The following TAFA5 variants were observed in gnomAD, a reference collection of about 807,000 sequenced individuals.
TAFA5 encodes chemokine-like protein TAFA-5.
A neutral mutation model predicts 15.3 loss-of-function variants in TAFA5; 6 were observed. The ratio of observed to expected loss-of-function variants is 0.39; its 90% CI spans 0.21 to 0.77. The LOEUF (loss-of-function observed/expected upper bound fraction) is 0.77, where lower values mean the gene tolerates loss of function less well. TAFA5 is among the 30% of genes least tolerant of loss of function. The pLI, the probability that TAFA5 is intolerant of heterozygous loss-of-function variation, is 0.41. For missense variants in TAFA5, 161 were observed against 193.1 expected (o/e 0.83, Z 0.98); for synonymous variants, 103 against 80.7 (o/e 1.28, Z -1.48).
chr22:48,623,939 G>A (rs530688453), intron 1 of TAFA5, among the ~76,000 whole-genome samples: 1 of 152,304 alleles, frequency 6.6e-6, no homozygotes, highest in Non-Finnish European at 1.5e-5. Context: ...TACAATTAAA[G>A]AACTGGCATT....
At chr22:48,624,428 G>A (rs1006620067) in intron 1 of TAFA5, among the ~76,000 whole-genome samples, 5 of 152,140 alleles carry the variant, frequency 3.3e-5, no homozygotes, top group African/African-American at 7.2e-5. Flanking sequence ...GGGACAGGCC[G>A]CCTCCATGAG....
chr22:48,592,187 G>C (rs1169192312), intron 1 of TAFA5, among the ~76,000 whole-genome samples: 1 of 152,184 alleles, frequency 6.6e-6, no homozygotes, highest in African/African-American at 2.4e-5. Context: ...CCCTGTGCCA[G>C]TGCTGTGCCC....
At chr22:48,629,838 C>G (rs1011414653) in intron 1 of TAFA5, among the ~76,000 whole-genome samples, 3 of 152,234 alleles carry the variant, frequency 2.0e-5, no homozygotes, top group African/African-American at 7.2e-5. Flanking sequence ...TCACAGCCCC[C>G]TGGATGGGAG....
intron 1 of TAFA5, among the ~76,000 whole-genome samples, chr22:48,613,467 C>G (rs1169784788): frequency 6.6e-6 from 1 of 152,206 alleles, no homozygotes; most frequent in Non-Finnish European, 1.5e-5. Flanking sequence ...CTCCCCCACT[C>G]TGTTTGTCCT....
At chr22:48,662,648 G>A (rs747977957) in intron 2 of TAFA5, among the ~76,000 whole-genome samples, 1 of 152,202 alleles carries the variant, frequency 6.6e-6, no homozygotes, top group African/African-American at 2.4e-5. Flanking sequence ...CGGCTGGTGC[G>A]AGCTCACCGG....
At chr22:48,746,550 A>G (rs1250973199) in intron 3 of TAFA5, among the ~76,000 whole-genome samples, 1 of 152,212 alleles carries the variant, frequency 6.6e-6, no homozygotes, top group African/African-American at 2.4e-5. Context: ...GATCTCTTCA[A>G]GCCATAGCAC....
At chr22:48,715,446 G>A (rs1929374361) in intron 3 of TAFA5, among the ~76,000 whole-genome samples, 1 of 152,154 alleles carries the variant, frequency 6.6e-6, no homozygotes, top group South Asian at 2.1e-4. Context: ...CACAGGATGG[G>A]GCAGGGAGGC....
chr22:48,629,353 C>G (rs889658148), intron 1 of TAFA5, among the ~76,000 whole-genome samples: 1 of 152,162 alleles, frequency 6.6e-6, no homozygotes, highest in African/African-American at 2.4e-5. Flanking sequence ...GTCCTGGCCT[C>G]GGCACCCCGG....
At chr22:48,696,595 A>G (rs1025942388) in intron 2 of TAFA5, among the ~76,000 whole-genome samples, 3 of 152,164 alleles carry the variant, frequency 2.0e-5, no homozygotes, top group Admixed American at 1.3e-4. Context: ...GCTCCCCCCA[A>G]CTGCAGAGCT....
intron 3 of TAFA5, among the ~76,000 whole-genome samples, chr22:48,718,605 C>T (rs1170558300): frequency 6.6e-6 from 1 of 152,054 alleles, no homozygotes; most frequent in African/African-American, 2.4e-5. Flanking sequence ...CTGGTACTCC[C>T]CAGAGCACAG....
chr22:48,653,089 C>T (rs1000859329), intron 2 of TAFA5, among the ~76,000 whole-genome samples: 26 of 152,326 alleles, frequency 1.7e-4, no homozygotes, highest in African/African-American at 5.1e-4. Flanking sequence ...CATCTCCGCG[C>T]AGACTGCTGC....
chr22:48,709,405 T>TA (rs1929183279), intron 3 of TAFA5, among the ~76,000 whole-genome samples: 1 of 151,898 alleles, frequency 6.6e-6, no homozygotes, highest in South Asian at 2.1e-4. Flanking sequence ...CTGTCCCTGC[T>TA]GGTTGGGGTT....
At chr22:48,690,989 G>C (rs76041649) in intron 2 of TAFA5, among the ~76,000 whole-genome samples, 17,887 of 152,250 alleles carry the variant, frequency 0.12, 1,116 homozygotes, top group South Asian at 0.16. Context: ...GAAGCAGCTA[G>C]GTGAGCATCA....
At chr22:48,602,673 C>T (rs114107435) in intron 1 of TAFA5, among the ~76,000 whole-genome samples, 1,545 of 152,266 alleles carry the variant, frequency 0.01, 31 homozygotes, top group African/African-American at 0.035. Context: ...ACGCTTGGCT[C>T]GCCGCACATG....
At chr22:48,708,131 C>T (rs1326192963) in intron 3 of TAFA5, among the ~76,000 whole-genome samples, 1 of 152,206 alleles carries the variant, frequency 6.6e-6, no homozygotes, top group Non-Finnish European at 1.5e-5. Context: ...GGTCTCGAAA[C>T]CCCCTGGTTA....
chr22:48,524,980 C>T (rs1359143873), intron 1 of TAFA5, among the ~76,000 whole-genome samples: 4 of 152,090 alleles, frequency 2.6e-5, no homozygotes, highest in African/African-American at 9.7e-5. Flanking sequence ...CTTCCTCCAT[C>T]TTCAGAGCCT....
chr22:48,607,797 A>C (rs1035795193), intron 1 of TAFA5, among the ~76,000 whole-genome samples: 5 of 152,156 alleles, frequency 3.3e-5, no homozygotes, highest in African/African-American at 1.2e-4. Context: ...GGTCCAGTTC[A>C]TTAAAAAAAA....
chr22:48,571,807 T>TACCCTCTAGGAG (rs1455011285), intron 1 of TAFA5, among the ~76,000 whole-genome samples: 1 of 152,024 alleles, frequency 6.6e-6, no homozygotes, highest in Non-Finnish European at 1.5e-5. Flanking sequence ...GTTTAGGATA[T>TACCCTCTAGGAG]ACCCTCTAGG....
intron 1 of TAFA5, among the ~76,000 whole-genome samples, chr22:48,625,396 A>C (rs1229962761): frequency 2.0e-5 from 3 of 152,070 alleles, no homozygotes; most frequent in African/African-American, 7.2e-5. Context: ...CTGTCGGTAA[A>C]CTCCCACTGC....
Sources: allele counts gnomAD v4.1 joint callset (sites outside exome capture counted in the v4.1 genomes callset), GRCh38; gene constraint gnomAD v4.1.1; transcripts MANE v1.5; gene names NCBI Gene and HGNC (gene_info 2026-07-23, HGNC 2026-07-21).